ARFGEF2: variants seen among roughly 807,000 people sequenced by gnomAD.
ARFGEF2 encodes the protein ARF guanine nucleotide exchange factor 2.
In ARFGEF2, 74 loss-of-function variants were observed where a neutral mutation model predicts 219.9. That is an observed-to-expected ratio of 0.34 (90% CI 0.28 to 0.41). ARFGEF2 has a LOEUF of 0.41. Ranked by LOEUF, ARFGEF2 falls within the 10% of genes least tolerant of loss-of-function variation. The pLI, the probability that ARFGEF2 is intolerant of heterozygous loss-of-function variation, is 1.00. For synonymous variants in ARFGEF2, 733 were observed against 799.2 expected (o/e 0.92, Z 1.40); for missense variants, 1,743 against 2,218.3 (o/e 0.79, Z 4.30).
intron 37 of ARFGEF2, among the ~76,000 whole-genome samples, chr20:49,029,698 T>A (rs1363444935): frequency 6.6e-6 from 1 of 151,658 alleles, no homozygotes; most frequent in East Asian, 1.9e-4. Context: ...TTCAACCAAT[T>A]CTCCTGCCTC....
At chr20:48,943,103 C>T (rs1555807458) in intron 3 of ARFGEF2, among the ~76,000 whole-genome samples, 1 of 152,148 alleles carries the variant, frequency 6.6e-6, no homozygotes, top group African/African-American at 2.4e-5. Flanking sequence ...CAACAAAAAG[C>T]ACCAAAATGC....
chr20:49,014,378 G>A (rs1340671480), intron 30 of ARFGEF2, among the ~76,000 whole-genome samples: 2 of 152,046 alleles, frequency 1.3e-5, no homozygotes, highest in African/African-American at 4.8e-5. Context: ...AAGGAAGTTT[G>A]ATGCCTGTAG....
chr20:49,031,220 C>CTTTT (rs869105434), intron 37 of ARFGEF2, among the ~76,000 whole-genome samples: 4 of 59,414 alleles, frequency 6.7e-5, no homozygotes, highest in Admixed American at 2.6e-4. Context: ...TGAGTTTGGA[C>CTTTT]TTTTTTTTTT....
intron 21 of ARFGEF2, among the ~76,000 whole-genome samples, chr20:48,992,158 C>T (rs2091360914): frequency 6.6e-6 from 1 of 152,054 alleles, no homozygotes; most frequent in Admixed American, 6.6e-5. Context: ...GGAAAATGGT[C>T]ACAGTAAAAT....
chr20:48,965,508 T>G (rs1380366354), intron 7 of ARFGEF2, among the ~76,000 whole-genome samples: 1 of 152,216 alleles, frequency 6.6e-6, no homozygotes, highest in Non-Finnish European at 1.5e-5. Flanking sequence ...TCTAATTCCT[T>G]TATTAATGGT....
Position 48,965,436 on chromosome 20 carries a change from C to T in ARFGEF2, c.908-436C>T, listed in dbSNP as rs192941932. Among the ~76,000 whole-genome samples the T allele has an allele frequency of 4.1e-4, 63 of 152,188 alleles. 1 individual carries two copies. Reference sequence around the variant, plus strand: ...TAATTCCCTTTTTTCACATGGCTGCCAAGAAGCTCAGGTTTACATTTTTTC... The same window carrying T: ...TAATTCCCTTTTTTCACATGGCTGCTAAGAAGCTCAGGTTTACATTTTTTC... On this transcript the variant is annotated intron_variant, in intron 7 of 38. Coordinates refer to ENST00000371917, the MANE Select transcript of ARFGEF2 (RefSeq NM_006420.3).
chr20:49,010,704 C>T (rs1204008048), intron 27 of ARFGEF2, among the ~76,000 whole-genome samples: 2 of 152,178 alleles, frequency 1.3e-5, no homozygotes, highest in African/African-American at 4.8e-5. Flanking sequence ...ATCCCAAGGC[C>T]ACTCTAATGA....
At chr20:48,970,248 G>T (rs1336401318) in intron 9 of ARFGEF2, among the ~76,000 whole-genome samples, 2 of 152,118 alleles carry the variant, frequency 1.3e-5, no homozygotes, top group African/African-American at 4.8e-5. Context: ...CCAGGAGGCA[G>T]AGGTTGCAGT....
intron 1 of ARFGEF2, among the ~76,000 whole-genome samples, chr20:48,934,981 AG>A (rs1309438431): frequency 6.6e-6 from 1 of 152,224 alleles, no homozygotes; most frequent in Non-Finnish European, 1.5e-5. Flanking sequence ...ACAGTGTAAA[AG>A]CGTTCCTATT....
rs1399568710 is a variant in ARFGEF2, at chr20:48,973,296, G to A, written c.1665+12G>A. 6.2e-7 allele frequency: 1 copy of A among 1,613,950 alleles called. No homozygotes were observed. On this transcript the variant is annotated intron_variant, in intron 12 of 38. Coordinates refer to ENST00000371917, the MANE Select transcript of ARFGEF2 (RefSeq NM_006420.3). ...TGACACCTCTGCAGGTAAAAACACTGTGGACACTCAATTATATTAAAGTTT... is the reference window on the plus strand; with the variant it reads ...TGACACCTCTGCAGGTAAAAACACTATGGACACTCAATTATATTAAAGTTT...
At chr20:48,936,014 T>G (rs2090950553) in intron 1 of ARFGEF2, among the ~76,000 whole-genome samples, 1 of 116,104 alleles carries the variant, frequency 8.6e-6, no homozygotes, top group African/African-American at 3.4e-5. Flanking sequence ...CACTTCCCAG[T>G]AGGGGCGGCC....
intron 2 of ARFGEF2, 52 bp downstream of exon 2, chr20:48,941,281 A>G: frequency 1.3e-6 from 2 of 1,579,730 alleles, no homozygotes; most frequent in Non-Finnish European, 1.7e-6. Flanking sequence ...GGGAGTAGGT[A>G]GCAACTGGGG....
chr20:48,956,861 T>G (rs2091108966), intron 6 of ARFGEF2, among the ~76,000 whole-genome samples: 1 of 152,132 alleles, frequency 6.6e-6, no homozygotes, highest in Non-Finnish European at 1.5e-5. Context: ...ATTACAGGCG[T>G]GAGCCACCAC....
intron 25 of ARFGEF2, chr20:48,999,246 AAATT>A (rs1182695530): frequency 2.2e-6 from 1 of 453,956 alleles, no homozygotes. Flanking sequence ...TCAGAAAAAA[AAATT>A]AATAATTGTT....
intron 18 of ARFGEF2, 22 bp from the exon 19 acceptor site, chr20:48,989,263 C>T (rs917764079): frequency 2.5e-6 from 4 of 1,613,904 alleles, no homozygotes; most frequent in Non-Finnish European, 3.4e-6. Context: ...CTAGCCACAC[C>T]TATCATGCTC....
intron 8 of ARFGEF2, among the ~76,000 whole-genome samples, chr20:48,968,814 T>C (rs1327290098): frequency 6.6e-6 from 1 of 152,200 alleles, no homozygotes; most frequent in Admixed American, 6.5e-5. Flanking sequence ...GGTTGTAGAA[T>C]TGCTGTGATG....
At chr20:48,949,069 G>C (rs1046850452) in intron 3 of ARFGEF2, among the ~76,000 whole-genome samples, 3 of 152,230 alleles carry the variant, frequency 2.0e-5, no homozygotes, top group African/African-American at 7.2e-5. Context: ...GAACCAGAAA[G>C]ATCCACAGGA....
intron 3 of ARFGEF2, among the ~76,000 whole-genome samples, chr20:48,944,325 A>G (rs149012071): frequency 6.6e-6 from 1 of 152,334 alleles, no homozygotes; most frequent in East Asian, 1.9e-4. Flanking sequence ...TGACGTTCTA[A>G]GAACAGTGGC....
intron 1 of ARFGEF2, among the ~76,000 whole-genome samples, chr20:48,934,607 T>C (rs930768322): frequency 6.6e-6 from 1 of 152,196 alleles, no homozygotes; most frequent in African/African-American, 2.4e-5. Context: ...ATGTGGTGTT[T>C]GGTTTTCTGT....
Sources: gnomAD v4.1 joint callset for allele counts (sites outside exome capture counted in the v4.1 genomes callset) on GRCh38, gnomAD v4.1.1 for gene constraint, MANE v1.5 for transcripts, NCBI Gene and HGNC (gene_info 2026-07-23, HGNC 2026-07-21) for gene names.